The following ARID4B variants were observed in gnomAD, a reference collection of about 807,000 sequenced individuals.
The protein encoded by ARID4B is AT-rich interactive domain-containing protein 4B.
ARID4B carries 26 observed loss-of-function variants against 147.5 expected under a neutral mutation model. The observed-to-expected ratio is 0.18, with a 90% CI of 0.13 to 0.24. The LOEUF (loss-of-function observed/expected upper bound fraction) is 0.24, where lower values mean the gene tolerates loss of function less well. Among genes scored for constraint, ARID4B ranks in the 10% least tolerant of loss-of-function variants. ARID4B has a pLI of 1.00. For missense variants in ARID4B, 1,179 were observed against 1,511.5 expected, an observed-to-expected ratio of 0.78 and a Z score of 3.65; for synonymous variants, 512 against 507.9, an observed-to-expected ratio of 1.01 and a Z score of -0.11.
At chr1:235,307,558 G>GA (rs966917435) in intron 2 of ARID4B, among the ~76,000 whole-genome samples, 2 of 152,160 alleles carry the variant, frequency 1.3e-5, no homozygotes, top group Non-Finnish European at 2.9e-5. Context: ...TTCAGCCAAA[G>GA]AAAAAGAGAG....
Position 235,168,355 on chromosome 1 carries a change from T to C in ARID4B, c.*170A>G. The C allele has an allele frequency of 1.6e-6, 1 of 640,846 alleles. No individual in the cohort carries two copies. The highest frequency in any genetic ancestry group is 2.5e-5 in the South Asian group (1 of 39,434). The allele number at this position is 640,846 out of a possible 1,614,324, so 39.7% of individuals were successfully genotyped here. A position where few individuals can be genotyped will look rare whatever the true frequency, so the allele number is the denominator to read the frequency against. ...TTGCTTGAGGAAAAGCAGTTCATTG[T>C]ACTTTTTCTTCATAAAAAAGTGCAC... On this transcript the variant is annotated 3_prime_UTR_variant, in exon 24 of 24. Coordinates refer to ENST00000264183, the MANE Select transcript of ARID4B (RefSeq NM_016374.6).
chr1:235,265,264 G>A (rs1441246215), intron 2 of ARID4B, among the ~76,000 whole-genome samples: 2 of 151,812 alleles, frequency 1.3e-5, no homozygotes, highest in Non-Finnish European at 2.9e-5. Context: ...TACTCGGGAG[G>A]CTAAAGCAGG....
rs777096435 is a variant in ARID4B at position 235,229,240 on chromosome 1, A to G, written c.888T>C (p.Ser296=). 3 of 1,610,110 alleles carry G rather than the reference A, an allele frequency of 1.9e-6. No individual in the cohort carries two copies. Among genetic ancestry groups the G allele is most frequent in the South Asian group, 1.1e-5 (1 of 90,508 alleles). The stretch of plus-strand genomic sequence containing the variant: ...AACTGTTTTCACTTACTTCTTCTTC[A>G]CTGCTATTATCCTCCTTTTCTTTTT... ...DDEKEKEDNS[S]EEEEEIEPFP... Residue 296 remains serine, a synonymous_variant, in exon 11 of 24, where the codon AGT becomes AGC. Transcript: ENST00000264183.
chr1:235,322,741 T>C (rs371390477), intron 2 of ARID4B, among the ~76,000 whole-genome samples: 140 of 152,254 alleles, frequency 9.2e-4, no homozygotes, highest in African/African-American at 3.2e-3. Flanking sequence ...CATTCTATAT[T>C]ACCTGATATA....
At chr1:235,220,104 C>G (rs938089089) in intron 15 of ARID4B, 136 bp from the exon 16 acceptor site, 1 of 787,578 alleles carries the variant, frequency 1.3e-6, no homozygotes, top group African/African-American at 1.8e-5. Context: ...GAAACTCCTG[C>G]TACTTTAAAG....
chr1:235,293,765 A>G (rs767869962), intron 2 of ARID4B, among the ~76,000 whole-genome samples: 98 of 152,312 alleles, frequency 6.4e-4, no homozygotes, highest in Middle Eastern at 3.4e-3. Flanking sequence ...CTACCTACTT[A>G]AGAGCTGATT....
intron 7 of ARID4B, among the ~76,000 whole-genome samples, chr1:235,243,069 T>C (rs1000773709): frequency 2.0e-5 from 3 of 152,136 alleles, no homozygotes; most frequent in African/African-American, 4.8e-5. Flanking sequence ...AGCTCTCAAG[T>C]TGAAGATTTT....
At chr1:235,291,362 C>T (rs1484761370) in intron 2 of ARID4B, among the ~76,000 whole-genome samples, 10 of 151,808 alleles carry the variant, frequency 6.6e-5, no homozygotes, top group African/African-American at 1.9e-4. Flanking sequence ...GAGCTGAGAT[C>T]GCACCACTGC....
At chr1:235,264,932 C>T (rs1414395829) in intron 2 of ARID4B, among the ~76,000 whole-genome samples, 2 of 151,496 alleles carry the variant, frequency 1.3e-5, no homozygotes, top group Non-Finnish European at 2.9e-5. Context: ...TGGTGGCGGG[C>T]GCCTGTAATC....
intron 11 of ARID4B, among the ~76,000 whole-genome samples, chr1:235,226,190 T>C (rs563930189): frequency 6.6e-6 from 1 of 152,330 alleles, no homozygotes; most frequent in Non-Finnish European, 1.5e-5. Context: ...AAAGGTTTGG[T>C]AGCTATTTAT....
chr1:235,237,947 T>TG lies in ARID4B; in HGVS notation c.585+2365dup, dbSNP rs757881329. Reference sequence around the variant, plus strand: ...GGGCAGATCACCTGAGGTCAGGAGTTGGAGACCAGCCTGACCGACATGGAG... The same window carrying TG: ...GGGCAGATCACCTGAGGTCAGGAGTTGGGAGACCAGCCTGACCGACATGGAG... On this transcript the variant is annotated intron_variant, in intron 8 of 23. Coordinates refer to ENST00000264183, the MANE Select transcript of ARID4B (RefSeq NM_016374.6). Among the ~76,000 whole-genome samples, 252 of 152,022 alleles carry TG rather than the reference T, an allele frequency of 1.7e-3. 2 individuals are homozygous for TG. The highest frequency in any genetic ancestry group is 2.5e-3 in the Non-Finnish European group (173 of 67,994).
intron 17 of ARID4B, among the ~76,000 whole-genome samples, chr1:235,209,992 C>T (rs1666607650): frequency 1.3e-5 from 2 of 152,084 alleles, no homozygotes; most frequent in Admixed American, 1.3e-4. Flanking sequence ...CTTTTGGAAG[C>T]CAAGGCAGGA....
At chr1:235,170,308 T>C (rs571994087) in intron 23 of ARID4B, among the ~76,000 whole-genome samples, 1 of 152,352 alleles carries the variant, frequency 6.6e-6, no homozygotes, top group Admixed American at 6.5e-5. Flanking sequence ...AGAGACCACA[T>C]GGCCCACAAA....
intron 6 of ARID4B, among the ~76,000 whole-genome samples, chr1:235,251,209 T>G (rs1304666368): frequency 8.1e-6 from 1 of 123,792 alleles, no homozygotes; most frequent in Non-Finnish European, 1.8e-5. Context: ...ACAGCAAAAA[T>G]GAGAAAAGTT....
chr1:235,255,088 T>C (rs1297415322), intron 5 of ARID4B, among the ~76,000 whole-genome samples: 2 of 151,740 alleles, frequency 1.3e-5, no homozygotes, highest in Non-Finnish European at 2.9e-5. Flanking sequence ...AAGTACCTAA[T>C]TAGGTAAAAA....
chr1:235,322,088 G>A (rs1674880963), intron 2 of ARID4B, among the ~76,000 whole-genome samples: 1 of 151,902 alleles, frequency 6.6e-6, no homozygotes, highest in Non-Finnish European at 1.5e-5. Context: ...GAGTGCAATG[G>A]CATGATCTCG....
At chr1:235,231,226 A>AC (rs758507423) in intron 9 of ARID4B, 37 bp from the exon 10 acceptor site, 7 of 1,037,380 alleles carry the variant, frequency 6.7e-6, no homozygotes, top group South Asian at 1.6e-5. Flanking sequence ...AAGAAAAAAA[A>AC]CCCAAAATAT....
intron 19 of ARID4B, among the ~76,000 whole-genome samples, chr1:235,185,458 C>T (rs1402449931): frequency 6.6e-6 from 1 of 152,174 alleles, no homozygotes; most frequent in African/African-American, 2.4e-5. Context: ...GAGCTATTTT[C>T]TGCAGTAGCA....
chr1:235,282,886 T>TAA (rs1223572120), intron 2 of ARID4B, among the ~76,000 whole-genome samples: 3 of 152,182 alleles, frequency 2.0e-5, no homozygotes, highest in Admixed American at 6.5e-5. Context: ...GTTCACGCCA[T>TAA]TCTCCTGCCT....
Sources: gnomAD v4.1 joint callset for allele counts (sites outside exome capture counted in the v4.1 genomes callset) on GRCh38, gnomAD v4.1.1 for gene constraint, MANE v1.5 for transcripts, NCBI Gene and HGNC (gene_info 2026-07-23, HGNC 2026-07-21) for gene names.